Variants in CTSK observed in about 807,000 individuals in gnomAD.
CTSK encodes cathepsin O.
Under a neutral mutation model 40.5 loss-of-function variants are expected in CTSK, and 26 were observed. The observed-to-expected ratio is 0.64, with a 90% CI of 0.47 to 0.89. The LOEUF (loss-of-function observed/expected upper bound fraction) is 0.89. Ranked by LOEUF, CTSK falls within the 40% of genes least tolerant of loss-of-function variation. The probability of loss-of-function intolerance (pLI) is 0.00; values close to 1 mark genes in which losing one functional copy is unlikely to be tolerated. For missense variants in CTSK, 292 were observed against 400.1 expected (o/e 0.73, Z 2.30); for synonymous variants, 132 against 143.2 (o/e 0.92, Z 0.56).
intron 5 of CTSK, among the ~76,000 whole-genome samples, chr1:150,803,774 T>C (rs1284035694): frequency 1.3e-5 from 2 of 152,178 alleles, no homozygotes; most frequent in African/African-American, 2.4e-5. Context: ...CGGAAGTCTA[T>C]GGGGTAGGTA....
At chr1:150,807,090 A>C (rs1189543539) in intron 1 of CTSK, among the ~76,000 whole-genome samples, 1 of 127,352 alleles carries the variant, frequency 7.9e-6, no homozygotes, top group Non-Finnish European at 1.5e-5. Flanking sequence ...TCACACACAC[A>C]CACACACACA....
Position 150,806,132 on chromosome 1 carries a change from A to G in CTSK, c.213T>C (p.Tyr71=). Residue 71 remains tyrosine, a synonymous_variant, in exon 3 of 8, where the codon TAT becomes TAC. Transcript: ENST00000271651. ...NLEASLGVHT[Y]ELAMNHLGDM... ...CCCCCAGGTGGTTCATAGCCAGTTC[A>G]TATGTATGGACACCAAGAGAAGCCT... The G allele has an allele frequency of 6.2e-7, 1 of 1,614,216 alleles. No individual in the cohort carries two copies. The highest frequency in any genetic ancestry group is 8.5e-7 in the Non-Finnish European group (1 of 1,180,018).
chr1:150,801,178 G>A (rs1443982903), intron 5 of CTSK: 1 of 152,214 alleles, frequency 6.6e-6, no homozygotes, highest in Non-Finnish European at 1.5e-5. Flanking sequence ...CCAGGCTGGA[G>A]TGCAATGGCA....
intron 1 of CTSK, among the ~76,000 whole-genome samples, chr1:150,807,076 TCTCTCACACACACA>T (rs1373620080): frequency 2.2e-4 from 8 of 36,414 alleles, no homozygotes; most frequent in African/African-American, 1.3e-4. Flanking sequence ...TGTCTCTCTC[TCTCTCACACACACA>T]CACACACACA....
chr1:150,805,965 G>T lies in CTSK; in HGVS notation c.295C>A (p.His99Asn), dbSNP rs587742006. ...KMTGLKVPLS[H>N]SRSNDTLYIP... is the part of the protein sequence containing the mutation. ...TAAAGGGTGTCATTACTGCGGGAAT[G>T]AGACAGGGGTACTTTGAGTCCAGTC... Residue 99 changes from histidine to asparagine, a missense_variant, in exon 4 of 8, where the codon CAT becomes AAT. By Grantham distance (68) the His-to-Asn change is moderately conservative (BLOSUM62 1). Transcript: ENST00000271651. 6.2e-7 allele frequency: 1 copy of T among 1,614,194 alleles called. No individual in the cohort carries two copies. The highest frequency in any genetic ancestry group is 2.2e-5 in the East Asian group (1 of 44,884).
intron 5 of CTSK, among the ~76,000 whole-genome samples, chr1:150,800,254 G>C (rs1653965706): frequency 6.6e-6 from 1 of 151,570 alleles, no homozygotes; most frequent in Non-Finnish European, 1.5e-5. Flanking sequence ...GAAAACAGTA[G>C]GGAAAGATTT....
chr1:150,799,590 A>T lies in CTSK; in HGVS notation c.738T>A (p.Ser246=), dbSNP rs2101947994. Residue 246 remains serine (S), a synonymous_variant, in exon 6 of 8, where the codon TCT becomes TCA. Transcript: ENST00000271651. ...AGGTCAGGCTTGCATCAATGGCCAC[A>T]GAGACAGGTCCCACTCGGGCCACTG... The part of the protein sequence containing the change: ...KRAVARVGPV[S]VAIDASLTSF... 1.2e-6 allele frequency: 2 copies of T among 1,614,246 alleles called. No individual in the cohort carries two copies. The highest frequency in any genetic ancestry group is 1.7e-6 in the Non-Finnish European group (2 of 1,180,036).
Position 150,800,145 on chromosome 1 carries a change from C to T in CTSK, c.619-436G>A, listed in dbSNP as rs939142911. Among the ~76,000 whole-genome samples, 25 of 132,708 alleles carry T rather than the reference C, an allele frequency of 1.9e-4. 1 individual carries two copies. The highest frequency in any genetic ancestry group is 8.7e-5 in the Admixed American group (1 of 11,550). 87.1% of individuals were successfully genotyped at this position (132,708 alleles called of 152,430 possible). On this transcript the variant is annotated intron_variant, in intron 5 of 7. Transcript: ENST00000271651. The stretch of plus-strand genomic sequence containing the variant: ...CTGGGAGGCAGACCTTGTAGTGAGC[C>T]AAGATCGCGCCATTGCACTCCAGCC...
At chr1:150,804,283 T>C (rs994281769) in intron 4 of CTSK, 44 bp from the exon 5 acceptor site, 4 of 1,454,576 alleles carry the variant, frequency 2.7e-6, no homozygotes, top group Non-Finnish European at 3.9e-6. Flanking sequence ...CTGTTTACAT[T>C]TTCTATATCT....
At position 150,806,213 on chromosome 1, in the gene CTSK, G is replaced by T. The variant is rs764148445; in HGVS notation, c.132C>A (p.Ile44=). The T allele has an allele frequency of 1.2e-6, 2 of 1,614,028 alleles. No individual in the cohort carries two copies. The highest frequency in any genetic ancestry group is 2.2e-5 in the South Asian group (2 of 91,068). ...TTTTTTCCCAAATTAAACGCCGAGA[G>T]ATTTCATCCACCTAAACAAAGCATA... ...RKQYNNKVDE[I]SRRLIWEKNL... Residue 44 remains isoleucine (I), a synonymous_variant, in exon 3 of 8, where the codon ATC becomes ATA. Coordinates refer to ENST00000271651, the MANE Select transcript of CTSK (RefSeq NM_000396.4).
Position 150,806,215 on chromosome 1 carries a change from T to C in CTSK, c.130A>G (p.Ile44Val). The C allele has an allele frequency of 6.2e-7, 1 of 1,614,036 alleles. No individual in the cohort carries two copies. The highest frequency in any genetic ancestry group is 8.5e-7 in the Non-Finnish European group (1 of 1,179,996). The part of the protein sequence containing the change: ...RKQYNNKVDE[I>V]SRRLIWEKNL... ...TTTTCCCAAATTAAACGCCGAGAGATTTCATCCACCTAAACAAAGCATAGT... is the reference window on the plus strand; with the variant it reads ...TTTTCCCAAATTAAACGCCGAGAGACTTCATCCACCTAAACAAAGCATAGT... Residue 44 changes from isoleucine to valine, a missense_variant, in exon 3 of 8, where the codon ATC becomes GTC. By Grantham distance (29) the Ile-to-Val change is conservative (BLOSUM62 3). Coordinates refer to ENST00000271651, the MANE Select transcript of CTSK (RefSeq NM_000396.4).
intron 1 of CTSK, 27 bp from the exon 2 acceptor site, chr1:150,806,833 C>T (rs780707867): frequency 2.5e-6 from 4 of 1,612,236 alleles, no homozygotes; most frequent in Non-Finnish European, 3.4e-6. Context: ...TTAGGGAAAA[C>T]TCTTCCATTT....
At chr1:150,805,313 A>T (rs1571126968) in intron 4 of CTSK, among the ~76,000 whole-genome samples, 1 of 151,988 alleles carries the variant, frequency 6.6e-6, no homozygotes, top group East Asian at 1.9e-4. Flanking sequence ...GTGCACAAAA[A>T]CATATGCACA....
At chr1:150,800,945 C>T (rs1013590638) in intron 5 of CTSK, 9 of 152,254 alleles carry the variant, frequency 5.9e-5, no homozygotes, top group Non-Finnish European at 1.2e-4. Context: ...TGCTCCAAAT[C>T]CCTGATGCCT....
chr1:150,799,371 T>C (rs1653938555), intron 6 of CTSK, 98 bp from the exon 7 acceptor site: 1 of 1,235,908 alleles, frequency 8.1e-7, no homozygotes, highest in Admixed American at 1.7e-5. Flanking sequence ...TCCATCCGTG[T>C]CAGGAGGGTT....
chr1:150,801,542 CTT>C (rs781467598), intron 5 of CTSK, among the ~76,000 whole-genome samples: 7 of 144,302 alleles, frequency 4.9e-5, no homozygotes, highest in Non-Finnish European at 7.7e-5. Flanking sequence ...TTAAAATTAA[CTT>C]TTTTTTTTTT....
intron 5 of CTSK, among the ~76,000 whole-genome samples, chr1:150,801,310 G>A (rs376567182): frequency 7.9e-5 from 12 of 151,854 alleles, no homozygotes; most frequent in African/African-American, 2.7e-4. Flanking sequence ...GTAGAGATGG[G>A]GTTTCACCAT....
chr1:150,798,962 C>A (rs1417737134), intron 7 of CTSK, among the ~76,000 whole-genome samples: 1 of 152,126 alleles, frequency 6.6e-6, no homozygotes, highest in African/African-American at 2.4e-5. Flanking sequence ...CTCGGGTATT[C>A]TTTTGTGGCA....
intron 1 of CTSK, among the ~76,000 whole-genome samples, chr1:150,807,063 C>G (rs371656064): frequency 1.9e-5 from 2 of 107,938 alleles, no homozygotes; most frequent in African/African-American, 6.3e-5. Context: ...CTGTTTCTCT[C>G]TCTGTCTCTC....
Sources: gnomAD v4.1 joint callset for allele counts (sites outside exome capture counted in the v4.1 genomes callset) on GRCh38, gnomAD v4.1.1 for gene constraint, MANE v1.5 for transcripts, NCBI Gene and HGNC (gene_info 2026-07-23, HGNC 2026-07-21) for gene names.